Variants in RAPGEF1 observed in about 807,000 individuals in gnomAD.
RAPGEF1 encodes CRK SH3-binding GNRP.
A neutral mutation model predicts 143.3 loss-of-function variants in RAPGEF1; 33 were observed. The ratio of observed to expected loss-of-function variants is 0.23; its 90% CI spans 0.17 to 0.31. The LOEUF (loss-of-function observed/expected upper bound fraction) is 0.31, where lower values mean the gene tolerates loss of function less well. Among genes scored for constraint, RAPGEF1 ranks in the 10% least tolerant of loss-of-function variants. The pLI is 1.00. For missense variants in RAPGEF1, 1,199 were observed against 1,645.4 expected (o/e 0.73, Z 4.69); for synonymous variants, 629 against 676.5 (o/e 0.93, Z 1.09).
chr9:131,674,879 TGCTACACAAGTGAGGCCAAAGACCCCTAA>T (rs1832041208), intron 1 of RAPGEF1, among the ~76,000 whole-genome samples: 2 of 151,912 alleles, frequency 1.3e-5, no homozygotes, highest in Non-Finnish European at 2.9e-5. Context: ...AGGGGACAAG[TGCTACACAAGTGAGGCCAAAGACCCCTAA>T]CCAAGTCTGG....
chr9:131,653,460 GA>G (rs1451174926), intron 1 of RAPGEF1, among the ~76,000 whole-genome samples: 1 of 152,158 alleles, frequency 6.6e-6, no homozygotes, highest in African/African-American at 2.4e-5. Flanking sequence ...TACAGCTCTA[GA>G]ATAAAAGGCA....
chr9:131,728,043 T>C (rs1467767240), intron 1 of RAPGEF1, among the ~76,000 whole-genome samples: 1 of 152,198 alleles, frequency 6.6e-6, no homozygotes, highest in Non-Finnish European at 1.5e-5. Flanking sequence ...GCACTGTGCT[T>C]CATGCTAGCT....
intron 1 of RAPGEF1, among the ~76,000 whole-genome samples, chr9:131,731,813 G>C (rs1321965934): frequency 2.6e-5 from 4 of 152,218 alleles, no homozygotes; most frequent in Non-Finnish European, 4.4e-5. Flanking sequence ...GTTTGGGCAA[G>C]CCAGTGAAAA....
chr9:131,715,159 T>C (rs1283899122), intron 1 of RAPGEF1, among the ~76,000 whole-genome samples: 1 of 152,204 alleles, frequency 6.6e-6, no homozygotes, highest in Non-Finnish European at 1.5e-5. Context: ...CAGAATGTCA[T>C]AGCTGGAGGG....
chr9:131,624,923 C>T (rs7863716), intron 10 of RAPGEF1, among the ~76,000 whole-genome samples: 2,462 of 152,380 alleles, frequency 0.016, 64 homozygotes, highest in African/African-American at 0.055. Context: ...ATGACATCAT[C>T]GCAGCCGCCG....
rs551570754 is a variant in RAPGEF1, at chr9:131,583,679, C to T, written c.3414+632G>A. On this transcript the variant is annotated intron_variant, in intron 24 of 26. Coordinates refer to ENST00000683357, the MANE Select transcript of RAPGEF1 (RefSeq NM_001377935.1). This position sits in a 1 kb window ranked among gnomAD's most constrained non-coding sequence, Gnocchi z 4.7. ...CACAGGATAAAGGTCCAACTCCTCA[C>T]CAGGCTCCTGAGGCTCTCATGACCT... Among the ~76,000 whole-genome samples, 9 of 152,344 alleles carry T rather than the reference C, an allele frequency of 5.9e-5. No individual in the cohort carries two copies. In the South Asian group the frequency reaches 1.9e-3, roughly 32 times the overall value.
chr9:131,651,779 T>C (rs1588774403), intron 1 of RAPGEF1, among the ~76,000 whole-genome samples: 1 of 152,210 alleles, frequency 6.6e-6, no homozygotes, highest in East Asian at 1.9e-4. Flanking sequence ...TTCTGAGTAA[T>C]GCATCATTAG....
chr9:131,664,003 C>T (rs7030981), intron 1 of RAPGEF1, among the ~76,000 whole-genome samples: 3,703 of 152,240 alleles, frequency 0.024, 155 homozygotes, highest in African/African-American at 0.084. Flanking sequence ...AATAGGCCCC[C>T]ACCCTTTACT....
intron 22 of RAPGEF1, among the ~76,000 whole-genome samples, chr9:131,586,419 C>CACA (rs1554801971): frequency 4.8e-4 from 47 of 97,642 alleles, no homozygotes; most frequent in East Asian, 1.2e-3. Flanking sequence ...CACACACACA[C>CACA]CTGCAGAGCG....
At chr9:131,601,343 A>G (rs1239889350) in intron 15 of RAPGEF1, among the ~76,000 whole-genome samples, 1 of 152,210 alleles carries the variant, frequency 6.6e-6, no homozygotes, top group Non-Finnish European at 1.5e-5. Flanking sequence ...CAAGTTTGTA[A>G]GTGGAGGGGG....
intron 1 of RAPGEF1, among the ~76,000 whole-genome samples, chr9:131,685,625 C>T (rs540067552): frequency 4.3e-4 from 66 of 152,316 alleles, no homozygotes; most frequent in African/African-American, 1.4e-3. Flanking sequence ...TTAATATCTA[C>T]GGAAACAATG....
At chr9:131,697,275 T>C (rs1284362149) in intron 1 of RAPGEF1, among the ~76,000 whole-genome samples, 2 of 152,176 alleles carry the variant, frequency 1.3e-5, no homozygotes, top group African/African-American at 2.4e-5. Context: ...GGGCTCCCTA[T>C]GTAAGCAAGG....
chr9:131,699,081 T>G (rs1277918977), intron 1 of RAPGEF1, among the ~76,000 whole-genome samples: 1 of 152,086 alleles, frequency 6.6e-6, no homozygotes, highest in Admixed American at 6.6e-5. Context: ...ATTTCACCCT[T>G]TATGAAAAAA....
At chr9:131,582,215 G>T (rs1409375881) in intron 25 of RAPGEF1, among the ~76,000 whole-genome samples, 4 of 152,094 alleles carry the variant, frequency 2.6e-5, no homozygotes, top group African/African-American at 9.7e-5. Context: ...GCGCAGCCAC[G>T]TGTGAGGACA....
At chr9:131,725,760 G>GTTT (rs71501267) in intron 1 of RAPGEF1, among the ~76,000 whole-genome samples, 7 of 132,620 alleles carry the variant, frequency 5.3e-5, no homozygotes, top group South Asian at 2.4e-4. Flanking sequence ...ATTGGGTTGT[G>GTTT]TTTTTTTTTT....
chr9:131,700,830 A>C (rs1359245916), intron 1 of RAPGEF1, among the ~76,000 whole-genome samples: 1 of 152,218 alleles, frequency 6.6e-6, no homozygotes, highest in Non-Finnish European at 1.5e-5. Context: ...CCAGTCAAAC[A>C]GGAGGCTGCT....
chr9:131,683,466 A>T (rs1833083756), intron 1 of RAPGEF1, among the ~76,000 whole-genome samples: 1 of 152,270 alleles, frequency 6.6e-6, no homozygotes, highest in Non-Finnish European at 1.5e-5. Flanking sequence ...TCAGTTATAC[A>T]ACCTATGGGA....
intron 1 of RAPGEF1, among the ~76,000 whole-genome samples, chr9:131,734,057 G>A (rs1042853538): frequency 2.4e-4 from 36 of 152,174 alleles, no homozygotes; most frequent in African/African-American, 8.0e-4. Context: ...AGTATCAGAC[G>A]CAGTCTAAAG....
chr9:131,585,200 T>C (rs1952511527), intron 22 of RAPGEF1, among the ~76,000 whole-genome samples: 1 of 152,168 alleles, frequency 6.6e-6, no homozygotes, highest in Non-Finnish European at 1.5e-5. Context: ...TGGTTCTTCT[T>C]TTTTATTTAA....
Sources: allele counts gnomAD v4.1 joint callset (sites outside exome capture counted in the v4.1 genomes callset), GRCh38; gene constraint gnomAD v4.1.1; non-coding constraint Gnocchi (gnomAD v3.1); transcripts MANE v1.5; gene names NCBI Gene and HGNC (gene_info 2026-07-23, HGNC 2026-07-21).